The following OTOG variants were observed in gnomAD, a reference collection of about 807,000 sequenced individuals.
OTOG encodes otogelin.
Under a neutral mutation model 313.8 loss-of-function variants are expected in OTOG, and 296 were observed. The ratio of observed to expected loss-of-function variants is 0.94; its 90% CI spans 0.86 to 1.04. The LOEUF (loss-of-function observed/expected upper bound fraction) is 1.04. Among genes scored for constraint, OTOG ranks in the 50% least tolerant of loss-of-function variants. The pLI is 0.00. For synonymous variants in OTOG, 1,533 were observed against 1,554.9 expected (o/e 0.99, Z 0.33); for missense variants, 3,948 against 3,840.1 (o/e 1.03, Z -0.74).
intron 6 of OTOG, among the ~76,000 whole-genome samples, chr11:17,555,211 G>GA (rs918411209): frequency 1.1e-4 from 16 of 148,610 alleles, no homozygotes; most frequent in African/African-American, 2.0e-4. Context: ...GCAGAGATGT[G>GA]TGTGTGTGTG....
At chr11:17,598,100 G>A (rs927560655) in intron 30 of OTOG, among the ~76,000 whole-genome samples, 1 of 152,230 alleles carries the variant, frequency 6.6e-6, no homozygotes, top group African/African-American at 2.4e-5. Context: ...GGAGCAGAAG[G>A]ACACTTGCTG....
intron 25 of OTOG, among the ~76,000 whole-genome samples, chr11:17,592,029 A>C (rs1406054308): frequency 6.6e-6 from 1 of 152,210 alleles, no homozygotes; most frequent in Non-Finnish European, 1.5e-5. Context: ...GTCACACAGC[A>C]GTCAGTGGTA....
At position 17,574,835 on chromosome 11, in the gene OTOG, C is replaced by T. The variant is rs2134029867; in HGVS notation, c.2409C>T (p.Ser803=). 2 of 1,549,902 alleles carry T rather than the reference C, an allele frequency of 1.3e-6. No individual in the cohort carries two copies. ...GGGTTGATGGTGGCGATGACCTGAG[C>T]AGAGACGAGTGTGTGGAGGGCTGTG... ...ACGVDGGDDL[S]RDECVEGCAC... Residue 803 remains serine, a synonymous_variant, in exon 20 of 56, where the codon AGC becomes AGT. Transcript: ENST00000399397.
intron 22 of OTOG, among the ~76,000 whole-genome samples, chr11:17,577,953 G>A (rs1852574887): frequency 6.6e-6 from 1 of 152,144 alleles, no homozygotes; most frequent in South Asian, 2.1e-4. Context: ...CACACTGATT[G>A]GTCATCCTCT....
intron 48 of OTOG, 50 bp from the exon 49 acceptor site, chr11:17,639,373 C>T: frequency 2.6e-6 from 4 of 1,543,890 alleles, no homozygotes; most frequent in Non-Finnish European, 3.5e-6. Flanking sequence ...CAGGGGATTC[C>T]TACCTGGACA....
At chr11:17,566,812 C>T (rs1210068063) in intron 15 of OTOG, among the ~76,000 whole-genome samples, 1 of 152,200 alleles carries the variant, frequency 6.6e-6, no homozygotes, top group African/African-American at 2.4e-5. Flanking sequence ...CTACTTATGT[C>T]AACACCTTTC....
In OTOG at chr11:17,588,397, C is replaced by T. The variant is rs188834488; in HGVS notation, c.2867+1816C>T. On this transcript the variant is annotated intron_variant, in intron 24 of 55. Coordinates refer to ENST00000399397, the MANE Select transcript of OTOG (RefSeq NM_001292063.2). ...GATGGAGCCTGGCTACCCATCCCTT[C>T]CCAGCTCTGTGTTCCGTGTCACCAT... Among the ~76,000 whole-genome samples, 592 of 152,274 alleles carry T rather than the reference C, an allele frequency of 3.9e-3. 4 individuals carry two copies. Among genetic ancestry groups the T allele is most frequent in the African/African-American group, 0.013 (558 of 41,526 alleles).
chr11:17,616,802 A>G (rs927585480), intron 39 of OTOG, among the ~76,000 whole-genome samples: 1 of 152,222 alleles, frequency 6.6e-6, no homozygotes, highest in Non-Finnish European at 1.5e-5. Context: ...GTCTTCTCCA[A>G]ACAGAGACAG....
chr11:17,627,207 G>A (rs1198459383), intron 39 of OTOG, among the ~76,000 whole-genome samples: 1 of 152,108 alleles, frequency 6.6e-6, no homozygotes, highest in Non-Finnish European at 1.5e-5. Context: ...TATCTTAGAG[G>A]AAAGGCTTTT....
Position 17,573,094 on chromosome 11 carries a change from G to T in OTOG, c.2097G>T (p.Gln699His). ...VHLQAASYSV[Q>H]ACSVLTGEMF... ...CTTCCCCAGCCTCCTACTCAGTGCA[G>T]GCCTGCAGCGTGCTCACGGGGGAGA... Residue 699 changes from glutamine (Q) to histidine (H), a missense_variant, in exon 19 of 56, where the codon CAG becomes CAT. Gln to His is a conservative substitution (Grantham distance 24, BLOSUM62 0). Coordinates refer to ENST00000399397, the MANE Select transcript of OTOG (RefSeq NM_001292063.2). The T allele has an allele frequency of 1.3e-6, 2 of 1,548,292 alleles. No homozygotes were observed. Among genetic ancestry groups the T allele is most frequent in the Non-Finnish European group, 1.7e-6 (2 of 1,146,890 alleles).
intron 48 of OTOG, 86 bp downstream of exon 48, chr11:17,638,635 T>C: frequency 6.7e-7 from 1 of 1,485,354 alleles, no homozygotes; most frequent in Non-Finnish European, 9.2e-7. Flanking sequence ...CCTACCACCG[T>C]CCACTCCTCT....
At chr11:17,589,436 C>T (rs1012517063) in intron 24 of OTOG, among the ~76,000 whole-genome samples, 1 of 152,212 alleles carries the variant, frequency 6.6e-6, no homozygotes, top group South Asian at 2.1e-4. Flanking sequence ...GTATTTTGCC[C>T]GTACAACAGA....
chr11:17,610,886 C>T lies in OTOG; in HGVS notation c.5586C>T (p.Pro1862=). 2 of 1,550,732 alleles carry T rather than the reference C, an allele frequency of 1.3e-6. No individual in the cohort carries two copies. The highest frequency in any genetic ancestry group is 2.4e-5 in the East Asian group (1 of 40,908). ...TPAAMTQAHP[P]THIAPPAAGT... ...CAGCAATGACCCAGGCGCACCCACCCACTCACATAGCACCCCCAGCAGCAG... is the reference window on the plus strand; with the variant it reads ...CAGCAATGACCCAGGCGCACCCACCTACTCACATAGCACCCCCAGCAGCAG... Residue 1862 remains proline (P), a synonymous_variant, in exon 36 of 56, where the codon CCC becomes CCT. Transcript: ENST00000399397.
intron 10 of OTOG, 47 bp from the exon 11 acceptor site, chr11:17,559,005 G>A (rs976957535): frequency 1.4e-6 from 2 of 1,435,804 alleles, no homozygotes; most frequent in Non-Finnish European, 1.9e-6. Flanking sequence ...GTGGGCTGGT[G>A]GCACTTTGGG....
intron 23 of OTOG, among the ~76,000 whole-genome samples, chr11:17,579,235 G>A (rs180744172): frequency 9.2e-5 from 14 of 152,316 alleles, no homozygotes; most frequent in East Asian, 3.9e-4. Context: ...GTGGTCACCC[G>A]GGAGTCGTGG....
chr11:17,569,178 A>G lies in OTOG; in HGVS notation c.1667A>G (p.Gln556Arg), dbSNP rs1318570665. Residue 556 changes from glutamine (Q) to arginine (R), a missense_variant, in exon 16 of 56, where the codon CAG becomes CGG. By Grantham distance (43) the Gln-to-Arg change is conservative (BLOSUM62 1). Coordinates refer to ENST00000399397, the MANE Select transcript of OTOG (RefSeq NM_001292063.2). ...CGLNQDGACVQSVSVILHQDP... is the reference protein window; with the variant it reads ...CGLNQDGACVRSVSVILHQDP... Reference sequence around the variant, plus strand: ...CAGAACCAAGATGGAGCCTGTGTCCAGTCAGTGTCAGTGATTCTGCACCAG... The same window carrying G: ...CAGAACCAAGATGGAGCCTGTGTCCGGTCAGTGTCAGTGATTCTGCACCAG... 6.4e-7 allele frequency: 1 copy of G among 1,550,622 alleles called. No individual in the cohort carries two copies. The highest frequency in any genetic ancestry group is 2.4e-5 in the East Asian group (1 of 40,922).
chr11:17,614,630 G>A (rs866119932), intron 39 of OTOG, among the ~76,000 whole-genome samples: 1 of 151,930 alleles, frequency 6.6e-6, no homozygotes. Context: ...ACCATTGCCC[G>A]CTGCCCCTAT....
intron 22 of OTOG, among the ~76,000 whole-genome samples, chr11:17,577,526 G>T (rs1274657349): frequency 6.6e-6 from 1 of 152,196 alleles, no homozygotes; most frequent in Non-Finnish European, 1.5e-5. Context: ...GAATCATCCA[G>T]CCTGGGTTCA....
intron 6 of OTOG, 65 bp from the exon 7 acceptor site, chr11:17,555,714 G>A (rs1053417081): frequency 4.6e-6 from 6 of 1,308,776 alleles, no homozygotes; most frequent in African/African-American, 4.4e-5. Flanking sequence ...ACTCAATAAG[G>A]TGTGAAGCTC....
Sources: allele counts gnomAD v4.1 joint callset (sites outside exome capture counted in the v4.1 genomes callset), GRCh38; gene constraint gnomAD v4.1.1; transcripts MANE v1.5; gene names NCBI Gene and HGNC (gene_info 2026-07-23, HGNC 2026-07-21).